UGGT2: variants seen among roughly 807,000 people sequenced by gnomAD.
UGGT2 encodes UDP-glucose glycoprotein glucosyltransferase 2.
A neutral mutation model predicts 192.1 loss-of-function variants in UGGT2; 180 were observed. The observed-to-expected ratio is 0.94, with a 90% CI of 0.83 to 1.06. The LOEUF (loss-of-function observed/expected upper bound fraction) is 1.06. UGGT2 is among the 50% of genes least tolerant of loss of function. The probability of loss-of-function intolerance (pLI) is 0.00; values close to 1 mark genes in which losing one functional copy is unlikely to be tolerated. For synonymous variants in UGGT2, 580 were observed against 591.0 expected (o/e 0.98, Z 0.27); for missense variants, 1,849 against 1,795.7 (o/e 1.03, Z -0.54).
At chr13:95,937,996 G>A (rs2049523501) in intron 16 of UGGT2, among the ~76,000 whole-genome samples, 1 of 152,208 alleles carries the variant, frequency 6.6e-6, no homozygotes, top group South Asian at 2.1e-4. Context: ...CTATTCTCGT[G>A]ACAGTGAATA....
At chr13:95,948,218 T>TACAC (rs149949392) in intron 13 of UGGT2, 137 bp from the exon 14 acceptor site, 10,023 of 316,784 alleles carry the variant, frequency 0.032, 194 homozygotes, top group East Asian at 0.065. Context: ...TTCTAAGGAA[T>TACAC]ACACACACAC....
chr13:96,019,358 C>A (rs1436572155), intron 4 of UGGT2, among the ~76,000 whole-genome samples: 2 of 152,154 alleles, frequency 1.3e-5, no homozygotes, highest in Non-Finnish European at 2.9e-5. Context: ...AAGAATTCTA[C>A]ACAGGCAGTG....
chr13:95,881,931 C>T (rs1242309218), intron 27 of UGGT2, among the ~76,000 whole-genome samples: 1 of 145,948 alleles, frequency 6.9e-6, no homozygotes, highest in Admixed American at 6.9e-5. Flanking sequence ...TTTTTTTAGA[C>T]AGAATCTCGC....
chr13:95,822,118 T>A (rs931913019), intron 38 of UGGT2, among the ~76,000 whole-genome samples: 7 of 152,144 alleles, frequency 4.6e-5, no homozygotes, highest in African/African-American at 1.7e-4. Flanking sequence ...GGTATTTGGA[T>A]GGGAATTGCA....
intron 5 of UGGT2, among the ~76,000 whole-genome samples, chr13:96,007,269 C>G (rs543109794): frequency 2.0e-5 from 3 of 152,216 alleles, no homozygotes; most frequent in East Asian, 1.9e-4. Flanking sequence ...GTCCCTCCCC[C>G]CCAACAAACT....
intron 36 of UGGT2, among the ~76,000 whole-genome samples, chr13:95,852,560 T>C (rs369793212): frequency 2.0e-4 from 30 of 152,196 alleles, no homozygotes; most frequent in African/African-American, 7.2e-4. Context: ...AGAAATCTTG[T>C]TTTTGTTTTC....
At chr13:95,967,372 TG>T (rs1481679782) in intron 12 of UGGT2, among the ~76,000 whole-genome samples, 3 of 148,372 alleles carry the variant, frequency 2.0e-5, no homozygotes, top group Non-Finnish European at 3.0e-5. Flanking sequence ...AGGATGGTCT[TG>T]ATCTCCTGAC....
intron 12 of UGGT2, among the ~76,000 whole-genome samples, chr13:95,952,158 G>A (rs1343885868): frequency 6.6e-6 from 1 of 151,802 alleles, no homozygotes. Context: ...AGTTTAAGAA[G>A]TAGTGCTCTA....
In UGGT2 at chr13:95,862,784, T is replaced by G. The variant is rs191709913; in HGVS notation, c.3644+845A>C. The stretch of plus-strand genomic sequence containing the variant: ...GTAGACCTAAGAGATGGAGAAAGAT[T>G]GTTTCCACACCACATCACCCAGTGG... On this transcript the variant is annotated intron_variant, in intron 31 of 38. Transcript: ENST00000376747. Among the ~76,000 whole-genome samples, 7 of 152,296 alleles carry G rather than the reference T, an allele frequency of 4.6e-5. No homozygotes were observed. The East Asian group carries it at 1.4e-3, about 29-fold the overall frequency.
chr13:96,053,243 G>T lies in UGGT2; in HGVS notation c.70C>A (p.Leu24Ile). The change falls in exon 1 of 39, where the codon CTC (leucine) becomes ATC (isoleucine). Residue 24 changes from leucine to isoleucine, a missense_variant. Leu to Ile is a conservative substitution (Grantham distance 5). Transcript: ENST00000376747. ...GACGCGGCGACCGTCCCGGAGCCGA[G>T]CTGCGAAAGCCACAGCGCTGTGGAG... ...LGSTALWLSQ[L>I]GSGTVAASKS... 6.4e-7 allele frequency: 1 copy of T among 1,555,068 alleles called. No individual in the cohort carries two copies. Among genetic ancestry groups the T allele is most frequent in the East Asian group, 2.4e-5 (1 of 41,572 alleles).
Position 95,983,816 on chromosome 13 carries a change from CT to C in UGGT2, c.1079del (p.Lys360ArgfsTer22). On this transcript the variant is annotated frameshift_variant, in exon 10 of 39. Transcript: ENST00000376747. LOFTEE classifies it high-confidence loss of function. ...AVNQHMREEI[K>X]ENQKDLQVRF... ...AATTCAAACAAACCTTTTGATTTTC[CT>C]TTATTTCTTCTCTCATATGTTGATT... is the stretch of plus-strand genomic sequence containing the variant. The C allele has an allele frequency of 1.3e-6, 2 of 1,563,548 alleles. No homozygotes were observed. Among genetic ancestry groups the C allele is most frequent in the Non-Finnish European group, 1.7e-6 (2 of 1,153,628 alleles).
At chr13:95,994,766 T>C (rs1203627931) in intron 7 of UGGT2, among the ~76,000 whole-genome samples, 1 of 152,026 alleles carries the variant, frequency 6.6e-6, no homozygotes, top group Non-Finnish European at 1.5e-5. Flanking sequence ...GATAGCACCA[T>C]ATAGTGCAAA....
intron 4 of UGGT2, among the ~76,000 whole-genome samples, chr13:96,022,654 CA>C (rs1164450021): frequency 6.6e-6 from 1 of 151,382 alleles, no homozygotes; most frequent in Non-Finnish European, 1.5e-5. Flanking sequence ...TAAATACTTG[CA>C]AAAAAGCAAA....
intron 12 of UGGT2, among the ~76,000 whole-genome samples, chr13:95,961,182 G>C (rs529598899): frequency 6.6e-6 from 1 of 151,990 alleles, no homozygotes; most frequent in African/African-American, 2.4e-5. Flanking sequence ...AAGAGAGAGA[G>C]AGAGAAACAG....
intron 38 of UGGT2, among the ~76,000 whole-genome samples, chr13:95,831,880 C>T (rs1886732069): frequency 6.6e-6 from 1 of 151,806 alleles, no homozygotes; most frequent in South Asian, 2.1e-4. Context: ...CTCCCTTTGT[C>T]ATCCTACTTC....
At position 95,969,731 on chromosome 13, in the gene UGGT2, A is replaced by G. The variant is rs1459349058; in HGVS notation, c.1335+381T>C. On this transcript the variant is annotated intron_variant, in intron 12 of 38. Transcript: ENST00000376747. ...TCACTTGGGCTGTAATACACACACC[A>G]GAACCTTTGGAGGCCGCTGCAAATT... 3.3e-5 allele frequency among the ~76,000 whole-genome samples: 5 copies of G among 152,230 alleles called. No individual in the cohort carries two copies. In the East Asian group the frequency reaches 7.7e-4, roughly 23 times the overall value.
rs1344399655 is a variant in UGGT2, at chr13:95,936,833, A to C, written c.1977+91T>G. 9.8e-6 allele frequency: 12 copies of C among 1,220,848 alleles called. No individual in the cohort carries two copies. The Middle Eastern group carries it at 8.8e-4, about 90-fold the overall frequency. The allele number at this position is 1,220,848 out of a possible 1,614,324, so 75.6% of individuals were successfully genotyped here. ...GAAATGATCAGAATGGAAATTTTTT[A>C]CCAAATCAACTTCTGTCATTAAAAT... On this transcript the variant is annotated intron_variant, in intron 17 of 38. Coordinates refer to ENST00000376747, the MANE Select transcript of UGGT2 (RefSeq NM_020121.4).
At chr13:95,906,054 A>T (rs906986314) in intron 20 of UGGT2, among the ~76,000 whole-genome samples, 1 of 152,134 alleles carries the variant, frequency 6.6e-6, no homozygotes, top group Admixed American at 6.6e-5. Context: ...ACTGTTTTCA[A>T]TTACGTAGTT....
intron 10 of UGGT2, among the ~76,000 whole-genome samples, chr13:95,981,098 T>TC (rs2051108965): frequency 1.3e-5 from 2 of 152,200 alleles, no homozygotes. Flanking sequence ...TACTCGAAGG[T>TC]CATATCCTCT....
Sources: gnomAD v4.1 joint callset for allele counts (sites outside exome capture counted in the v4.1 genomes callset) on GRCh38, gnomAD v4.1.1 for gene constraint, MANE v1.5 for transcripts, NCBI Gene and HGNC (gene_info 2026-07-23, HGNC 2026-07-21) for gene names.